Variants in MDGA2 observed in about 807,000 individuals in gnomAD.
MDGA2 encodes MAM domain containing glycosylphosphatidylinositol anchor 2.
A neutral mutation model predicts 117.8 loss-of-function variants in MDGA2; 40 were observed. The ratio of observed to expected loss-of-function variants is 0.34; its 90% CI spans 0.26 to 0.44. The LOEUF (loss-of-function observed/expected upper bound fraction) is 0.44. Ranked by LOEUF, MDGA2 falls within the 20% of genes least tolerant of loss-of-function variation. The pLI is 1.00. For synonymous variants in MDGA2, 452 were observed against 439.0 expected, an observed-to-expected ratio of 1.03 and a Z score of -0.37; for missense variants, 1,123 against 1,250.6, an observed-to-expected ratio of 0.90 and a Z score of 1.54.
At chr14:47,466,371 A>G (rs559827902) in intron 1 of MDGA2, among the ~76,000 whole-genome samples, 1 of 152,242 alleles carries the variant, frequency 6.6e-6, no homozygotes, top group South Asian at 2.1e-4. Flanking sequence ...CTTGTTATAT[A>G]ACTGAGGCTG....
chr14:46,965,747 T>C (rs1218137317), intron 8 of MDGA2, among the ~76,000 whole-genome samples: 1 of 152,196 alleles, frequency 6.6e-6, no homozygotes, highest in African/African-American at 2.4e-5. Context: ...AAATTTCGAA[T>C]ATGATGAAAG....
At chr14:47,476,466 C>A (rs1308381674) in intron 1 of MDGA2, among the ~76,000 whole-genome samples, 2 of 151,122 alleles carry the variant, frequency 1.3e-5, no homozygotes, top group Non-Finnish European at 2.9e-5. Context: ...ATTTGTTAAT[C>A]AAATATCATA....
chr14:47,403,631 T>C (rs1023628040), intron 1 of MDGA2, among the ~76,000 whole-genome samples: 1 of 152,142 alleles, frequency 6.6e-6, no homozygotes, highest in Non-Finnish European at 1.5e-5. Context: ...CAGTTCTTCC[T>C]GCTGTTTGTC....
rs77634019 is a variant in MDGA2 at position 46,903,637 on chromosome 14, A to T, written c.2238+16375T>A. Among the ~76,000 whole-genome samples the T allele has an allele frequency of 7.8e-3, 1,183 of 152,202 alleles. 53 individuals carry two copies. In the East Asian group the frequency reaches 0.12, roughly 16 times the overall value. ...ATACCTCTATTTATTATAGATCATC[A>T]ATATAATTTAATTTTTCTCCAAAAA... On this transcript the variant is annotated intron_variant, in intron 10 of 16. Coordinates refer to ENST00000399232, the MANE Select transcript of MDGA2 (RefSeq NM_001113498.3).
At chr14:47,456,674 G>C (rs894334754) in intron 1 of MDGA2, among the ~76,000 whole-genome samples, 1 of 152,036 alleles carries the variant, frequency 6.6e-6, no homozygotes, top group African/African-American at 2.4e-5. Flanking sequence ...TAGACAAGTG[G>C]GATGTTAGAA....
At chr14:47,287,400 T>A (rs1203235212) in intron 2 of MDGA2, among the ~76,000 whole-genome samples, 1 of 152,216 alleles carries the variant, frequency 6.6e-6, no homozygotes, top group African/African-American at 2.4e-5. Context: ...ATGTTCCACT[T>A]ATTAATATTT....
chr14:47,472,154 T>G (rs1290398038), intron 1 of MDGA2, among the ~76,000 whole-genome samples: 1 of 152,208 alleles, frequency 6.6e-6, no homozygotes, highest in African/African-American at 2.4e-5. Flanking sequence ...CATTATTAGT[T>G]ATTGCATTTT....
intron 3 of MDGA2, among the ~76,000 whole-genome samples, chr14:47,152,776 G>C (rs1451140433): frequency 6.6e-6 from 1 of 152,134 alleles, no homozygotes; most frequent in East Asian, 1.9e-4. Flanking sequence ...TTTCTTTCTG[G>C]AAAGAACAGT....
intron 1 of MDGA2, among the ~76,000 whole-genome samples, chr14:47,365,457 C>A (rs1454941873): frequency 6.6e-6 from 1 of 152,268 alleles, no homozygotes; most frequent in Non-Finnish European, 1.5e-5. Flanking sequence ...AGCTATGCTG[C>A]TGGCAGCGCA....
chr14:46,944,060 C>G (rs1379631829), intron 9 of MDGA2, among the ~76,000 whole-genome samples: 1 of 151,876 alleles, frequency 6.6e-6, no homozygotes, highest in Non-Finnish European at 1.5e-5. Flanking sequence ...ATTTACTATA[C>G]CTAATCCTCT....
intron 4 of MDGA2, among the ~76,000 whole-genome samples, chr14:47,135,533 C>G (rs2139168354): frequency 6.6e-6 from 1 of 152,136 alleles, no homozygotes; most frequent in South Asian, 2.1e-4. Context: ...CAACATTTTC[C>G]CCAAGAAGAA....
chr14:47,625,644 T>C (rs1897126821), intron 1 of MDGA2, among the ~76,000 whole-genome samples: 1 of 152,210 alleles, frequency 6.6e-6, no homozygotes, highest in African/African-American at 2.4e-5. Flanking sequence ...ATTTTCAGTG[T>C]CTCAAAATAA....
chr14:47,097,093 T>A lies in MDGA2; in HGVS notation c.956A>T (p.Asp319Val). Reference sequence around the variant, plus strand: ...CTCTCCAGGATTTACAACTATAGGATCATCCACCAAGAGTTTAATTGACGG... The same window carrying A: ...CTCTCCAGGATTTACAACTATAGGAACATCCACCAAGAGTTTAATTGACGG... ...ASPSIKLLVD[D>V]PIVVNPGEAI... The change falls in exon 6 of 17, where the codon GAT becomes GTT. Residue 319 changes from aspartate to valine, a missense_variant. Coordinates refer to ENST00000399232, the MANE Select transcript of MDGA2 (RefSeq NM_001113498.3). The A allele has an allele frequency of 6.2e-7, 1 of 1,613,072 alleles. No individual in the cohort carries two copies. The highest frequency in any genetic ancestry group is 1.7e-4 in the Middle Eastern group (1 of 6,052).
At chr14:47,255,250 C>A (rs900279696) in intron 2 of MDGA2, among the ~76,000 whole-genome samples, 1 of 152,074 alleles carries the variant, frequency 6.6e-6, no homozygotes, top group Non-Finnish European at 1.5e-5. Context: ...TTAGGCAAAG[C>A]GTGGTAGTAT....
intron 1 of MDGA2, among the ~76,000 whole-genome samples, chr14:47,591,199 G>A (rs1896432609): frequency 6.6e-6 from 1 of 152,064 alleles, no homozygotes; most frequent in South Asian, 2.1e-4. Flanking sequence ...AATGTCTGAT[G>A]TGAAAATTCA....
At chr14:47,058,804 G>A (rs1889774165) in intron 7 of MDGA2, 1 of 985,452 alleles carries the variant, frequency 1.0e-6, no homozygotes, top group South Asian at 4.7e-5. Context: ...ATCATCTTCT[G>A]TAGGCCTTCT....
chr14:47,604,932 A>G (rs1896714604), intron 1 of MDGA2, among the ~76,000 whole-genome samples: 2 of 152,270 alleles, frequency 1.3e-5, no homozygotes, highest in African/African-American at 4.8e-5. Flanking sequence ...ATTACACAGT[A>G]CAAGCAAGAC....
At chr14:47,386,709 G>GAT (rs1891768175) in intron 1 of MDGA2, among the ~76,000 whole-genome samples, 1 of 151,734 alleles carries the variant, frequency 6.6e-6, no homozygotes, top group African/African-American at 2.4e-5. Context: ...ATAATAATAA[G>GAT]AAGAAGAATC....
At chr14:46,935,239 C>T (rs143603397) in intron 9 of MDGA2, among the ~76,000 whole-genome samples, 1 of 152,122 alleles carries the variant, frequency 6.6e-6, no homozygotes, top group Non-Finnish European at 1.5e-5. Context: ...CACAAATCGC[C>T]CATTTTGTAG....
Sources: gnomAD v4.1 joint callset for allele counts (sites outside exome capture counted in the v4.1 genomes callset) on GRCh38, gnomAD v4.1.1 for gene constraint, MANE v1.5 for transcripts, NCBI Gene and HGNC (gene_info 2026-07-23, HGNC 2026-07-21) for gene names.